The following MSN variants were observed in gnomAD, a reference collection of about 807,000 sequenced individuals.
The protein encoded by MSN is moesin, also known as epididymis luminal protein 70.
Under a neutral mutation model 48.0 loss-of-function variants are expected in MSN, and 2 were observed. That is an observed-to-expected ratio of 0.04 (90% confidence interval 0.02 to 0.13). MSN has a LOEUF of 0.13. Ranked by LOEUF, MSN falls within the 10% of genes least tolerant of loss-of-function variation. MSN has a pLI of 1.00. For synonymous variants in MSN, 146 were observed against 166.9 expected (o/e 0.87, Z 0.97); for missense variants, 267 against 470.1 (o/e 0.57, Z 3.99).
At chrX:65,655,228 G>T (rs1466378711) in intron 1 of MSN, among the ~76,000 whole-genome samples, 1 of 111,057 alleles carries the variant, frequency 9.0e-6, no homozygotes, top group Non-Finnish European at 1.9e-5. Context: ...AGTCAGATAG[G>T]CTTGTTTCAT....
At chrX:65,621,591 C>A (rs2070446951) in intron 1 of MSN, among the ~76,000 whole-genome samples, 1 of 110,137 alleles carries the variant, frequency 9.1e-6, no homozygotes, top group Admixed American at 9.7e-5. Context: ...CTATTCAGGG[C>A]CCCTTGTAGT....
At chrX:65,683,942 C>CT (rs370356986) in intron 1 of MSN, among the ~76,000 whole-genome samples, 2,293 of 80,340 alleles carry the variant, frequency 0.029, 83 homozygotes, top group African/African-American at 0.065. Context: ...CTTTCTTTTT[C>CT]TTTTTTTTTT....
At chrX:65,604,995 G>A (rs900831473) in intron 1 of MSN, among the ~76,000 whole-genome samples, 2 of 112,172 alleles carry the variant, frequency 1.8e-5, no homozygotes, top group African/African-American at 6.5e-5. Context: ...CCTAGCCCAT[G>A]GCTTCTCCAG....
At chrX:65,634,234 G>A (rs1412522014) in intron 1 of MSN, among the ~76,000 whole-genome samples, 1 of 112,417 alleles carries the variant, frequency 8.9e-6, no homozygotes, top group East Asian at 2.8e-4. Context: ...CATGGTGGCA[G>A]GGCCAGATTA....
intron 1 of MSN, among the ~76,000 whole-genome samples, chrX:65,711,461 G>T (rs2071414929): frequency 8.9e-6 from 1 of 112,370 alleles, no homozygotes; most frequent in African/African-American, 3.2e-5. Context: ...CTCCCAAAGT[G>T]CTGGGATTAC....
chrX:65,697,210 G>T (rs2071252961), intron 1 of MSN, among the ~76,000 whole-genome samples: 1 of 110,088 alleles, frequency 9.1e-6, no homozygotes, highest in Admixed American at 9.7e-5. Context: ...CTGGGTGGGG[G>T]GTTGGGGACA....
chrX:65,616,332 C>G (rs1569454279), intron 1 of MSN, among the ~76,000 whole-genome samples: 1 of 97,436 alleles, frequency 1.0e-5, no homozygotes, highest in Non-Finnish European at 2.1e-5. Context: ...TTCTTCCTAC[C>G]CATGAGCATG....
At chrX:65,652,397 G>A (rs1056783947) in intron 1 of MSN, among the ~76,000 whole-genome samples, 11 of 111,466 alleles carry the variant, frequency 9.9e-5, no homozygotes, top group African/African-American at 3.6e-4. Flanking sequence ...TTGCCTTTAG[G>A]AGCTTTTGTT....
chrX:65,736,291 C>T (rs1321069561), intron 8 of MSN, among the ~76,000 whole-genome samples: 3 of 110,805 alleles, frequency 2.7e-5, no homozygotes, highest in Middle Eastern at 4.6e-3. Context: ...ATTGACAGGG[C>T]CCCGTGTACA....
At chrX:65,669,815 A>G (rs1294823903) in intron 1 of MSN, among the ~76,000 whole-genome samples, 2 of 110,195 alleles carry the variant, frequency 1.8e-5, no homozygotes, top group Non-Finnish European at 3.8e-5. Flanking sequence ...ACTATTTAGT[A>G]CAACTCTCTT....
Position 65,636,776 on chromosome X carries a change from C to CAAAA in MSN, c.-22+48165_-22+48166insAAAA, listed in dbSNP as rs2070604946. 1.7e-3 allele frequency among the ~76,000 whole-genome samples: 142 copies of CAAAA among 82,848 alleles called. 5 individuals carry two copies. Among genetic ancestry groups the CAAAA allele is most frequent in the African/African-American group, 8.3e-3 (138 of 16,573 alleles). 71.9% of individuals were successfully genotyped at this position (82,848 alleles called of 115,157 possible). A position where few individuals can be genotyped will look rare whatever the true frequency, so the allele number is the denominator to read the frequency against. The stretch of plus-strand genomic sequence containing the variant: ...AAAAAAAAAAAAAAAAAAAAAAAAC[C>CAAAA]AGAAAGAAAGAAAAGAAAAGAAGGG... On this transcript the variant is annotated intron_variant, in intron 1 of 3. Coordinates refer to the MSN transcript ENST00000609672.
chrX:65,641,010 A>G (rs940996103), intron 1 of MSN, among the ~76,000 whole-genome samples: 5 of 109,131 alleles, frequency 4.6e-5, no homozygotes, highest in African/African-American at 1.7e-4. Flanking sequence ...TTGGAAGGCT[A>G]AGGAACGAGA....
Position 65,594,401 on chromosome X carries a change from G to A in MSN, c.-22+5789G>A, listed in dbSNP as rs11796866. ...CCTGTTCTAGGCAGCAGCAATGGTG[G>A]TAGTGGCATGAGGGGATGGTGGTGG... On this transcript the variant is annotated intron_variant, in intron 1 of 3. Coordinates refer to the MSN transcript ENST00000609672. 4.5e-4 allele frequency among the ~76,000 whole-genome samples: 50 copies of A among 110,186 alleles called. No individual in the cohort carries two copies. The South Asian group carries it at 9.1e-3, about 20-fold the overall frequency.
chrX:65,692,030 C>G lies in MSN; in HGVS notation c.12+24177C>G, dbSNP rs142472433. Among the ~76,000 whole-genome samples, 876 of 112,250 alleles carry G rather than the reference C, an allele frequency of 7.8e-3. 10 individuals are homozygous for G. Among genetic ancestry groups the G allele is most frequent in the African/African-American group, 0.026 (803 of 30,877 alleles). Reference sequence around the variant, plus strand: ...GTGGTGGCCTTCTTTCATTCTTAGCCTCTCACTCCCATTGAGTTTGGCATC... The same window carrying G: ...GTGGTGGCCTTCTTTCATTCTTAGCGTCTCACTCCCATTGAGTTTGGCATC... On this transcript the variant is annotated intron_variant, in intron 1 of 12. Transcript: ENST00000360270.
At chrX:65,617,193 C>G (rs1398002597) in intron 1 of MSN, among the ~76,000 whole-genome samples, 1 of 106,696 alleles carries the variant, frequency 9.4e-6, no homozygotes, top group Non-Finnish European at 1.9e-5. Context: ...CTGTGCCTGG[C>G]TTTGGTATCA....
At chrX:65,677,096 G>A (rs745821767) in intron 1 of MSN, among the ~76,000 whole-genome samples, 1 of 111,931 alleles carries the variant, frequency 8.9e-6, no homozygotes, top group South Asian at 3.7e-4. Context: ...CCAAAGTGCT[G>A]GGATTACAAG....
chrX:65,690,156 A>C (rs940301706), intron 1 of MSN, among the ~76,000 whole-genome samples: 5 of 111,385 alleles, frequency 4.5e-5, no homozygotes, highest in African/African-American at 1.6e-4. Flanking sequence ...TTTTCTGAGC[A>C]CTCCCACAGG....
intron 2 of MSN, among the ~76,000 whole-genome samples, chrX:65,724,080 A>G (rs1399727614): frequency 5.6e-5 from 6 of 106,614 alleles, no homozygotes; most frequent in South Asian, 4.2e-4. Flanking sequence ...ACTTTGCCCA[A>G]CTTCTCCTGA....
chrX:65,731,838 G>A lies in MSN; in HGVS notation c.552G>A (p.Arg184=). 2 of 1,206,307 alleles carry A rather than the reference G, an allele frequency of 1.7e-6. No homozygotes were observed. The highest frequency in any genetic ancestry group is 1.7e-5 in the African/African-American group (1 of 57,353). The change falls in exon 6 of 13, where the codon AGG becomes AGA. Residue 184 remains arginine (R), a splice_region_variant and synonymous_variant. Coordinates refer to ENST00000360270, the MANE Select transcript of MSN (RefSeq NM_002444.3). ...TGACCCCCAACTCTGTGTCATTTAGGGAGGATGCTGTCCTGGAATATCTGA... is the reference window on the plus strand; with the variant it reads ...TGACCCCCAACTCTGTGTCATTTAGAGAGGATGCTGTCCTGGAATATCTGA... ...VWHEEHRGML[R]EDAVLEYLKI... is the part of the protein sequence containing the mutation.
Sources: allele counts gnomAD v4.1 joint callset (sites outside exome capture counted in the v4.1 genomes callset), GRCh38; gene constraint gnomAD v4.1.1; transcripts MANE v1.5; gene names NCBI Gene and HGNC (gene_info 2026-07-23, HGNC 2026-07-21).